CDH12: variants seen among roughly 807,000 people sequenced by gnomAD.
CDH12 encodes the protein cadherin 12, also known as cadherin-12.
CDH12 carries 41 observed loss-of-function variants against 74.1 expected under a neutral mutation model. That is an observed-to-expected ratio of 0.55 (90% CI 0.43 to 0.72). The LOEUF (loss-of-function observed/expected upper bound fraction) is 0.72, where lower values mean the gene tolerates loss of function less well. Ranked by LOEUF, CDH12 falls within the 30% of genes least tolerant of loss-of-function variation. CDH12 has a pLI of 0.00. For missense variants in CDH12, 945 were observed against 977.2 expected (o/e 0.97, Z 0.44); for synonymous variants, 399 against 355.0 (o/e 1.12, Z -1.39).
At chr5:22,534,432 T>C (rs918423233) in intron 1 of CDH12, among the ~76,000 whole-genome samples, 2 of 152,200 alleles carry the variant, frequency 1.3e-5, no homozygotes, top group East Asian at 1.9e-4. Context: ...CTCCCACTTA[T>C]GAGTGAGAAC....
At chr5:21,770,559 AGT>A (rs1324624768) in intron 11 of CDH12, among the ~76,000 whole-genome samples, 1 of 151,686 alleles carries the variant, frequency 6.6e-6, no homozygotes, top group Non-Finnish European at 1.5e-5. Flanking sequence ...TGGAGGTAAC[AGT>A]GAGCTGAGAT....
chr5:22,544,990 C>T lies in CDH12; in HGVS notation c.-522-39626G>A, dbSNP rs144107200. Among the ~76,000 whole-genome samples the T allele has an allele frequency of 3.2e-3, 493 of 152,194 alleles. 1 individual carries two copies. Among genetic ancestry groups the T allele is most frequent in the African/African-American group, 0.012 (479 of 41,536 alleles). ...AGATGTGGCAAAAAAAAAGACTATT[C>T]CATCTACTCACACACGTACACATAC... On this transcript the variant is annotated intron_variant, in intron 1 of 14. Transcript: ENST00000382254.
At chr5:22,735,932 T>A (rs1267450979) in intron 1 of CDH12, among the ~76,000 whole-genome samples, 1 of 151,890 alleles carries the variant, frequency 6.6e-6, no homozygotes, top group Non-Finnish European at 1.5e-5. Context: ...ACAGAAGCAC[T>A]AGACCAGGAT....
chr5:22,274,686 G>C (rs1736546261), intron 3 of CDH12, among the ~76,000 whole-genome samples: 1 of 151,820 alleles, frequency 6.6e-6, no homozygotes, highest in African/African-American at 2.4e-5. Context: ...AAATCTATGT[G>C]AATATATATG....
intron 1 of CDH12, among the ~76,000 whole-genome samples, chr5:22,724,503 G>A (rs1744062549): frequency 6.6e-6 from 1 of 151,826 alleles, no homozygotes; most frequent in African/African-American, 2.4e-5. Context: ...CCATTCCTGA[G>A]TTACTTCACT....
intron 2 of CDH12, among the ~76,000 whole-genome samples, chr5:22,415,168 T>C: frequency 6.6e-6 from 1 of 151,428 alleles, no homozygotes; most frequent in East Asian, 1.9e-4. Flanking sequence ...TCAGGTAGTA[T>C]TTTTAAAGTG....
chr5:22,005,328 C>A (rs1736878404), intron 5 of CDH12, among the ~76,000 whole-genome samples: 1 of 152,204 alleles, frequency 6.6e-6, no homozygotes, highest in African/African-American at 2.4e-5. Flanking sequence ...CAGGCATGAG[C>A]CACTGTGCTC....
At chr5:22,396,846 A>G (rs1423606829) in intron 3 of CDH12, among the ~76,000 whole-genome samples, 1 of 152,088 alleles carries the variant, frequency 6.6e-6, no homozygotes, top group Non-Finnish European at 1.5e-5. Context: ...TCTTTGGGGC[A>G]TGGTTTCTCT....
At chr5:22,501,088 A>G (rs199549949) in intron 2 of CDH12, among the ~76,000 whole-genome samples, 2 of 152,324 alleles carry the variant, frequency 1.3e-5, no homozygotes, top group East Asian at 1.9e-4. Context: ...CAGAAAGAAA[A>G]AAAAAAGATC....
chr5:22,021,413 A>C (rs1737964668), intron 5 of CDH12, among the ~76,000 whole-genome samples: 1 of 152,218 alleles, frequency 6.6e-6, no homozygotes, highest in South Asian at 2.1e-4. Flanking sequence ...CAAAAATGTG[A>C]ACAAAGCTTG....
At chr5:21,833,861 C>T (rs1294780912) in intron 8 of CDH12, among the ~76,000 whole-genome samples, 1 of 151,864 alleles carries the variant, frequency 6.6e-6, no homozygotes, top group African/African-American at 2.4e-5. Flanking sequence ...ATTTGAGAGC[C>T]ACTGTAAGAT....
At chr5:22,745,681 A>C (rs1053954555) in intron 1 of CDH12, among the ~76,000 whole-genome samples, 14 of 152,188 alleles carry the variant, frequency 9.2e-5, no homozygotes, top group Admixed American at 9.2e-4. Flanking sequence ...AAAATAAAAT[A>C]CCACATGCTC....
At chr5:22,652,697 T>C (rs762164302) in intron 1 of CDH12, among the ~76,000 whole-genome samples, 14 of 152,164 alleles carry the variant, frequency 9.2e-5, no homozygotes, top group Non-Finnish European at 1.6e-4. Flanking sequence ...GAAAAAATCA[T>C]TTAATTAGTC....
At position 22,078,615 on chromosome 5, in the gene CDH12, G is replaced by A. The variant is rs142596033; in HGVS notation, c.62C>T (p.Thr21Ile). 3,482 of 1,613,870 alleles carry A rather than the reference G, an allele frequency of 2.2e-3. 8 individuals carry two copies. Among genetic ancestry groups the A allele is most frequent in the Non-Finnish European group, 2.8e-3 (3,309 of 1,179,842 alleles). The change falls in exon 5 of 15, where the codon ACA (threonine) becomes ATA (isoleucine). Residue 21 changes from threonine to isoleucine, a missense_variant. Physicochemically the swap from Thr to Ile is moderately conservative, Grantham distance 89. Transcript: ENST00000382254. Reference protein sequence around the residue: ...LWVLFDGGLLTPLQPQPQQTL... With the variant: ...LWVLFDGGLLIPLQPQPQQTL... ...CTGCTGTGGCTGTGGTTGTAGTGGTGTTAGGAGACCTCCATCAAACAGAAC... is the reference window on the plus strand; with the variant it reads ...CTGCTGTGGCTGTGGTTGTAGTGGTATTAGGAGACCTCCATCAAACAGAAC...
intron 1 of CDH12, among the ~76,000 whole-genome samples, chr5:22,732,702 T>A (rs1744493144): frequency 6.6e-6 from 1 of 151,760 alleles, no homozygotes; most frequent in African/African-American, 2.4e-5. Context: ...AAGTTGTACA[T>A]CATCTATAAG....
At chr5:22,771,386 C>A (rs558600815) in intron 1 of CDH12, among the ~76,000 whole-genome samples, 42 of 152,010 alleles carry the variant, frequency 2.8e-4, no homozygotes, top group African/African-American at 9.6e-4. Flanking sequence ...GGATATAAAA[C>A]CTGAAAGAAG....
At chr5:22,089,248 G>A (rs567472628) in intron 4 of CDH12, among the ~76,000 whole-genome samples, 1 of 152,214 alleles carries the variant, frequency 6.6e-6, no homozygotes, top group East Asian at 1.9e-4. Context: ...CCCAGGAAAG[G>A]GACTGGTGGT....
chr5:21,886,705 A>G (rs1186334648), intron 6 of CDH12, among the ~76,000 whole-genome samples: 1 of 150,986 alleles, frequency 6.6e-6, no homozygotes, highest in African/African-American at 2.4e-5. Context: ...TAATTATTCC[A>G]TTTTTCTAAT....
At chr5:22,752,559 T>C (rs1580961694) in intron 1 of CDH12, among the ~76,000 whole-genome samples, 2 of 20,518 alleles carry the variant, frequency 9.7e-5, no homozygotes, top group Non-Finnish European at 1.1e-4. Context: ...TTTTTTTTTT[T>C]TTTTTTTTTT....
Sources: gnomAD v4.1 joint callset for allele counts (sites outside exome capture counted in the v4.1 genomes callset) on GRCh38, gnomAD v4.1.1 for gene constraint, MANE v1.5 for transcripts, NCBI Gene and HGNC (gene_info 2026-07-23, HGNC 2026-07-21) for gene names.